The following RGS7 variants were observed in gnomAD, a reference collection of about 807,000 sequenced individuals.
RGS7 encodes regulator of G protein signaling 7.
In RGS7, 27 loss-of-function variants were observed where a neutral mutation model predicts 81.1. The observed-to-expected ratio is 0.33, with a 90% CI of 0.25 to 0.46. The LOEUF (loss-of-function observed/expected upper bound fraction) is 0.46, where lower values mean the gene tolerates loss of function less well. RGS7 is among the 20% of genes least tolerant of loss of function. The pLI is 1.00. For missense variants in RGS7, 396 were observed against 607.4 expected (o/e 0.65, Z 3.66); for synonymous variants, 208 against 207.7 (o/e 1.00, Z -0.01).
intron 2 of RGS7, among the ~76,000 whole-genome samples, chr1:241,162,352 G>C (rs1388166550): frequency 1.3e-5 from 2 of 152,192 alleles, no homozygotes. Context: ...AACGCCTCAA[G>C]TGAGCATGCA....
chr1:240,890,338 A>C (rs1448893841), intron 6 of RGS7, among the ~76,000 whole-genome samples: 1 of 152,044 alleles, frequency 6.6e-6, no homozygotes, highest in African/African-American at 2.4e-5. Context: ...TTTTTAGTAG[A>C]GATGGGGTTT....
At chr1:240,969,738 T>C (rs1275730886) in intron 4 of RGS7, among the ~76,000 whole-genome samples, 2 of 152,262 alleles carry the variant, frequency 1.3e-5, no homozygotes, top group Admixed American at 1.3e-4. Context: ...GATCACCTGC[T>C]GGTCTCTAAC....
chr1:240,852,831 T>A (rs1221537504), intron 9 of RGS7, among the ~76,000 whole-genome samples: 5 of 152,170 alleles, frequency 3.3e-5, no homozygotes, highest in Non-Finnish European at 1.5e-5. Flanking sequence ...AAGCAGCAAC[T>A]CAAGCTAAGG....
At chr1:240,928,756 C>T (rs574768601) in intron 6 of RGS7, among the ~76,000 whole-genome samples, 45 of 151,926 alleles carry the variant, frequency 3.0e-4, no homozygotes, top group African/African-American at 9.7e-4. Context: ...ATTACAGGCA[C>T]GCCCTACCAC....
At position 240,827,088 on chromosome 1, in the gene RGS7, A is replaced by G; in HGVS notation, c.684+10T>C. 3.1e-6 allele frequency: 5 copies of G among 1,607,220 alleles called. No individual in the cohort carries two copies. The highest frequency in any genetic ancestry group is 4.3e-6 in the Non-Finnish European group (5 of 1,173,726). ...ATCACCAAGATCAGCACAACAAATG[A>G]CAGTTTTACCTTCCGTGTTTTGTGG... On this transcript the variant is annotated intron_variant, in intron 10 of 18. Transcript: ENST00000440928.
At chr1:240,925,444 A>C (rs749310591) in intron 6 of RGS7, among the ~76,000 whole-genome samples, 1 of 152,170 alleles carries the variant, frequency 6.6e-6, no homozygotes, top group Non-Finnish European at 1.5e-5. Context: ...ATGTTGCTGC[A>C]AAGGACATAC....
chr1:241,251,955 GC>G (rs2076849114), intron 2 of RGS7, among the ~76,000 whole-genome samples: 1 of 152,098 alleles, frequency 6.6e-6, no homozygotes. Context: ...GCATGGTGGG[GC>G]TGCGGAGCCT....
chr1:241,314,680 T>A (rs2080758004), intron 2 of RGS7, among the ~76,000 whole-genome samples: 1 of 152,208 alleles, frequency 6.6e-6, no homozygotes, highest in Admixed American at 6.5e-5. Context: ...GCAGTGGGAA[T>A]CAGAAATATA....
chr1:241,220,963 AAGGAAGGAAGGAAGG>A (rs2074877520), intron 2 of RGS7, among the ~76,000 whole-genome samples: 3 of 46,504 alleles, frequency 6.5e-5, no homozygotes, highest in Non-Finnish European at 1.5e-4. Flanking sequence ...GGAAGGAAGG[AAGGAAGGAAGGAAGG>A]AAGGAAGGAA....
chr1:241,269,098 AT>A (rs777643902), intron 2 of RGS7, among the ~76,000 whole-genome samples: 14 of 152,168 alleles, frequency 9.2e-5, no homozygotes, highest in African/African-American at 3.4e-4. Context: ...CACTTATATC[AT>A]TTTTTCTTTT....
intron 2 of RGS7, among the ~76,000 whole-genome samples, chr1:241,225,171 G>A (rs903413128): frequency 6.6e-6 from 1 of 151,870 alleles, no homozygotes; most frequent in African/African-American, 2.4e-5. Context: ...ACTTTTCCAA[G>A]TCTCCAATGA....
At chr1:240,920,756 C>T (rs779259998) in intron 6 of RGS7, 23 of 549,456 alleles carry the variant, frequency 4.2e-5, no homozygotes, top group South Asian at 2.1e-4. Context: ...CAAATACTCA[C>T]GTGTATGGGC....
chr1:240,968,520 A>G (rs1206805525), intron 4 of RGS7, among the ~76,000 whole-genome samples: 2 of 149,554 alleles, frequency 1.3e-5, no homozygotes. Context: ...AGAGGCCCCA[A>G]TCACTTGAAT....
At chr1:240,983,039 T>C in intron 4 of RGS7, 40 bp downstream of exon 4, 2 of 1,210,986 alleles carry the variant, frequency 1.7e-6, no homozygotes, top group Middle Eastern at 1.9e-4. Flanking sequence ...TTAAAACCAC[T>C]AAGAAAAAAG....
intron 15 of RGS7, among the ~76,000 whole-genome samples, chr1:240,803,831 C>G (rs574727721): frequency 6.7e-6 from 1 of 149,770 alleles, no homozygotes; most frequent in African/African-American, 2.5e-5. Context: ...GGAGAGCATT[C>G]TGAATGTTCC....
rs554768415 is a variant in RGS7, at chr1:241,003,460, CAA to C, written c.176-20333_176-20332del. Among the ~76,000 whole-genome samples, 580 of 83,324 alleles carry C rather than the reference CAA, an allele frequency of 7.0e-3. 2 individuals carry two copies. The highest frequency in any genetic ancestry group is 8.0e-3 in the Non-Finnish European group (350 of 43,900). The allele number at this position is 83,324 out of a possible 152,430, so 54.7% of individuals were successfully genotyped here. On this transcript the variant is annotated intron_variant, in intron 3 of 18. Transcript: ENST00000440928. The stretch of plus-strand genomic sequence containing the variant: ...TGGGTGACAGAGCGAGACTCCGTCT[CAA>C]AAAAAAAAAAAAAAAAAAAAGTACT...
At chr1:240,912,429 T>A (rs1671924079) in intron 6 of RGS7, among the ~76,000 whole-genome samples, 1 of 152,154 alleles carries the variant, frequency 6.6e-6, no homozygotes, top group Non-Finnish European at 1.5e-5. Context: ...TGTCAATGCT[T>A]GAGCTACAGC....
At chr1:241,301,929 G>A (rs534432573) in intron 2 of RGS7, among the ~76,000 whole-genome samples, 3 of 152,214 alleles carry the variant, frequency 2.0e-5, no homozygotes, top group South Asian at 4.1e-4. Flanking sequence ...CAGAAGTATC[G>A]AGTAAAGAAG....
intron 2 of RGS7, among the ~76,000 whole-genome samples, chr1:241,127,716 T>A (rs2066771101): frequency 6.6e-6 from 1 of 152,192 alleles, no homozygotes; most frequent in Non-Finnish European, 1.5e-5. Context: ...AAAAAAAGAA[T>A]AACTTTCCAT....
Sources: gnomAD v4.1 joint callset for allele counts (sites outside exome capture counted in the v4.1 genomes callset) on GRCh38, gnomAD v4.1.1 for gene constraint, MANE v1.5 for transcripts, NCBI Gene and HGNC (gene_info 2026-07-23, HGNC 2026-07-21) for gene names.